The following JARID2 variants were observed in gnomAD, a reference collection of about 807,000 sequenced individuals.
JARID2 encodes jumonji and AT-rich interaction domain containing 2.
In JARID2, 21 loss-of-function variants were observed where a neutral mutation model predicts 125.6. The observed-to-expected ratio is 0.17, with a 90% CI of 0.12 to 0.24. JARID2 has a LOEUF of 0.24. Among genes scored for constraint, JARID2 ranks in the 10% least tolerant of loss-of-function variants. The probability of loss-of-function intolerance (pLI) is 1.00; values close to 1 mark genes in which losing one functional copy is unlikely to be tolerated. For synonymous variants in JARID2, 736 were observed against 661.6 expected, an observed-to-expected ratio of 1.11 and a Z score of -1.73; for missense variants, 1,303 against 1,639.6, an observed-to-expected ratio of 0.79 and a Z score of 3.55.
At chr6:15,444,366 T>A (rs781637803) in intron 3 of JARID2, among the ~76,000 whole-genome samples, 2 of 152,346 alleles carry the variant, frequency 1.3e-5, no homozygotes, top group East Asian at 3.9e-4. Context: ...AGGATGTGTT[T>A]ATTTTCTCTT....
chr6:15,482,204 T>C (rs1345179777), intron 5 of JARID2, among the ~76,000 whole-genome samples: 1 of 152,250 alleles, frequency 6.6e-6, no homozygotes, highest in Non-Finnish European at 1.5e-5. Flanking sequence ...CCTGTCAGTT[T>C]TTATGTGACA....
At chr6:15,430,745 CACTTAA>C (rs1190807650) in intron 3 of JARID2, among the ~76,000 whole-genome samples, 1 of 152,104 alleles carries the variant, frequency 6.6e-6, no homozygotes, top group Admixed American at 6.6e-5. Flanking sequence ...AGTCCAAGCC[CACTTAA>C]GCTTCTGCTA....
intron 1 of JARID2, among the ~76,000 whole-genome samples, chr6:15,278,470 C>T (rs1288606608): frequency 6.6e-6 from 1 of 151,970 alleles, no homozygotes; most frequent in Non-Finnish European, 1.5e-5. Flanking sequence ...CCTGTAATCC[C>T]AGCTACTCGG....
At chr6:15,458,301 G>A (rs914400762) in intron 4 of JARID2, among the ~76,000 whole-genome samples, 6 of 152,196 alleles carry the variant, frequency 3.9e-5, no homozygotes, top group Non-Finnish European at 8.8e-5. Context: ...CTGCAAACAA[G>A]GGGATTCCCA....
intron 12 of JARID2, chr6:15,508,913 C>T (rs1320673592): frequency 1.1e-5 from 14 of 1,246,854 alleles, no homozygotes; most frequent in Admixed American, 2.3e-5. Context: ...TGTCATCAGC[C>T]CTCTAGTAAC....
At chr6:15,304,835 C>T (rs937263738) in intron 1 of JARID2, among the ~76,000 whole-genome samples, 3 of 152,154 alleles carry the variant, frequency 2.0e-5, no homozygotes, top group African/African-American at 4.8e-5. Context: ...TGGCAGGGGG[C>T]ACCATCAGGT....
intron 4 of JARID2, among the ~76,000 whole-genome samples, chr6:15,456,513 G>A (rs1011888211): frequency 6.6e-6 from 1 of 152,044 alleles, no homozygotes; most frequent in Non-Finnish European, 1.5e-5. Context: ...ATACAATATT[G>A]TACTGTTTTG....
In JARID2 at chr6:15,246,251, TG is replaced by T; in HGVS notation, c.-288del. 11 of 454,934 alleles carry T rather than the reference TG, an allele frequency of 2.4e-5. No individual in the cohort carries two copies. The highest frequency in any genetic ancestry group is 8.9e-5 in the South Asian group (2 of 22,468). The allele number at this position is 454,934 out of a possible 1,614,324, so 28.2% of individuals were successfully genotyped here. A position where few individuals can be genotyped will look rare whatever the true frequency, so the allele number is the denominator to read the frequency against. ...GGAGTGAAGGGCGTCGGTTTTTTTT[TG>T]TGTGTGTGTGTATGTGTTTCGGGGG... On this transcript the variant is annotated 5_prime_UTR_variant, in exon 1 of 18. Transcript: ENST00000341776.
In JARID2 at chr6:15,511,317, G is replaced by A; in HGVS notation, c.2868G>A (p.Glu956=). ...DCIWYCIPAE[E]ENKLEDVVHT... ...CCAGGTATTGCATTCCTGCTGAGGAGGAGAACAAGCTGGAAGATGTGGTCC... is the reference window on the plus strand; with the variant it reads ...CCAGGTATTGCATTCCTGCTGAGGAAGAGAACAAGCTGGAAGATGTGGTCC... Residue 956 remains glutamate (E), a synonymous_variant, in exon 13 of 18, where the codon GAG becomes GAA. Coordinates refer to ENST00000341776, the MANE Select transcript of JARID2 (RefSeq NM_004973.4). 1 of 1,613,746 alleles carries A rather than the reference G, an allele frequency of 6.2e-7. No individual in the cohort carries two copies. Among genetic ancestry groups the A allele is most frequent in the Middle Eastern group, 1.7e-4 (1 of 6,060 alleles).
At chr6:15,449,142 C>G (rs1210026495) in intron 3 of JARID2, among the ~76,000 whole-genome samples, 1 of 152,058 alleles carries the variant, frequency 6.6e-6, no homozygotes, top group Non-Finnish European at 1.5e-5. Context: ...CTCTGGGCTT[C>G]TGGTCTGTCA....
chr6:15,492,838 T>C (rs1290826399), intron 6 of JARID2, among the ~76,000 whole-genome samples: 1 of 152,194 alleles, frequency 6.6e-6, no homozygotes, highest in Non-Finnish European at 1.5e-5. Context: ...GAGATCCATC[T>C]AGTCTTTGAG....
intron 6 of JARID2, among the ~76,000 whole-genome samples, chr6:15,488,435 C>T (rs1769988425): frequency 6.6e-6 from 1 of 152,144 alleles, no homozygotes; most frequent in Non-Finnish European, 1.5e-5. Flanking sequence ...GATGAGCTTT[C>T]CTCACAGAGT....
At chr6:15,459,289 A>G (rs1052570113) in intron 4 of JARID2, among the ~76,000 whole-genome samples, 1 of 152,234 alleles carries the variant, frequency 6.6e-6, no homozygotes, top group Non-Finnish European at 1.5e-5. Context: ...CCATTATGTA[A>G]CATGGCACAT....
At chr6:15,502,191 C>G (rs952286734) in intron 8 of JARID2, among the ~76,000 whole-genome samples, 1 of 152,256 alleles carries the variant, frequency 6.6e-6, no homozygotes, top group African/African-American at 2.4e-5. Context: ...ACTCGCCCCT[C>G]CAAGAAGCAG....
chr6:15,373,457 T>C (rs1295377037), intron 1 of JARID2, among the ~76,000 whole-genome samples: 15 of 152,228 alleles, frequency 9.9e-5, no homozygotes, highest in Admixed American at 7.9e-4. Flanking sequence ...CAGTTTGAAA[T>C]GAGACCTTCA....
chr6:15,346,374 A>G (rs1028115816), intron 1 of JARID2, among the ~76,000 whole-genome samples: 3 of 152,118 alleles, frequency 2.0e-5, no homozygotes, highest in Admixed American at 2.0e-4. Context: ...CTTAATTGTC[A>G]TATATAGTGG....
rs146672387 is a variant in JARID2, at chr6:15,479,366, A to G, written c.671-7941A>G. ...ATTCTCATAAAAGTCTTTTAATTTT[A>G]GTGTCGTATGTTAGCAGGAATATAT... On this transcript the variant is annotated intron_variant, in intron 5 of 17. Coordinates refer to ENST00000341776, the MANE Select transcript of JARID2 (RefSeq NM_004973.4). Among the ~76,000 whole-genome samples, 4 of 152,280 alleles carry G rather than the reference A, an allele frequency of 2.6e-5. No homozygotes were observed. The East Asian group carries it at 7.7e-4, about 29-fold the overall frequency.
At position 15,498,179 on chromosome 6, in the gene JARID2, T is replaced by C. The variant is rs549769240; in HGVS notation, c.1945+1009T>C. 3.9e-5 allele frequency among the ~76,000 whole-genome samples: 6 copies of C among 152,344 alleles called. No individual in the cohort carries two copies. In the East Asian group the frequency reaches 1.2e-3, roughly 29 times the overall value. On this transcript the variant is annotated intron_variant, in intron 7 of 17. Coordinates refer to ENST00000341776, the MANE Select transcript of JARID2 (RefSeq NM_004973.4). Reference sequence around the variant, plus strand: ...CCTGCTCAGCCTTGTCTCTTCTTCCTCTGAGCTTCAGTTTCTCTGGCGATT... The same window carrying C: ...CCTGCTCAGCCTTGTCTCTTCTTCCCCTGAGCTTCAGTTTCTCTGGCGATT...
At chr6:15,301,624 T>C (rs1761627546) in intron 1 of JARID2, among the ~76,000 whole-genome samples, 2 of 152,236 alleles carry the variant, frequency 1.3e-5, no homozygotes, top group South Asian at 4.1e-4. Flanking sequence ...TGTAAGTCCT[T>C]AAAAGTAGTT....
Sources: gnomAD v4.1 joint callset for allele counts (sites outside exome capture counted in the v4.1 genomes callset) on GRCh38, gnomAD v4.1.1 for gene constraint, MANE v1.5 for transcripts, NCBI Gene and HGNC (gene_info 2026-07-23, HGNC 2026-07-21) for gene names.